The following RIMKLB variants were observed in gnomAD, a reference collection of about 807,000 sequenced individuals.
RIMKLB encodes ribosomal modification protein rimK like family member B, also known as beta-citrylglutamate synthase B.
RIMKLB carries 7 observed loss-of-function variants against 32.0 expected under a neutral mutation model. The ratio of observed to expected loss-of-function variants is 0.22; its 90% confidence interval spans 0.12 to 0.41. The LOEUF (loss-of-function observed/expected upper bound fraction) is 0.41. Among genes scored for constraint, RIMKLB ranks in the 10% least tolerant of loss-of-function variants. The probability of loss-of-function intolerance (pLI) is 1.00; values close to 1 mark genes in which losing one functional copy is unlikely to be tolerated. For synonymous variants in RIMKLB, 172 were observed against 185.1 expected, an observed-to-expected ratio of 0.93 and a Z score of 0.57; for missense variants, 289 against 498.7, an observed-to-expected ratio of 0.58 and a Z score of 4.00.
In RIMKLB at chr12:8,773,606, C is replaced by G. The variant is rs185884970; in HGVS notation, c.983C>G (p.Thr328Ser). 1 of 1,614,230 alleles carries G rather than the reference C, an allele frequency of 6.2e-7. No homozygotes were observed. Among genetic ancestry groups the G allele is most frequent in the Non-Finnish European group, 8.5e-7 (1 of 1,180,042 alleles). ...LLSVVSTASETSEPELGPPAS... is the reference protein window; with the variant it reads ...LLSVVSTASESSEPELGPPAS... Reference sequence around the variant, plus strand: ...TCCGTGGTGTCCACTGCCAGTGAGACTAGTGAGCCGGAGCTGGGTCCCCCA... The same window carrying G: ...TCCGTGGTGTCCACTGCCAGTGAGAGTAGTGAGCCGGAGCTGGGTCCCCCA... Residue 328 changes from threonine to serine, a missense_variant, in exon 6 of 6, where the codon ACT becomes AGT. This residue lies in a region of RIMKLB where 99 missense variants were observed against 133.9 expected (regional missense o/e 0.74). Transcript: ENST00000535829.
chr12:8,782,285 C>T (rs903393460), intron 7 of RIMKLB, among the ~76,000 whole-genome samples: 1 of 151,926 alleles, frequency 6.6e-6, no homozygotes, highest in Non-Finnish European at 1.5e-5. Context: ...GTATGTTCTA[C>T]AAGGAATTTT....
intron 2 of RIMKLB, among the ~76,000 whole-genome samples, chr12:8,747,806 A>ATT (rs2137665742): frequency 6.6e-6 from 1 of 151,150 alleles, no homozygotes; most frequent in South Asian, 2.1e-4. Flanking sequence ...TCCAGGCTGG[A>ATT]GTGCAGTGGC....
chr12:8,674,008 A>G, the RIMKLB span, among the ~76,000 whole-genome samples: 1 of 152,050 alleles, frequency 6.6e-6, no homozygotes, highest in African/African-American at 2.4e-5. Flanking sequence ...GGTTCAAATA[A>G]GCCACAGGGT....
intron 2 of RIMKLB, 125 bp from the exon 3 acceptor site, chr12:8,749,737 T>C: frequency 3.1e-6 from 2 of 655,242 alleles, no homozygotes. Flanking sequence ...AGTATCTCTA[T>C]CCCAATTTAA....
rs895056895 is a variant in RIMKLB at position 8,763,932 on chromosome 12, A to G, written c.698-9389A>G. On this transcript the variant is annotated intron_variant, in intron 5 of 5. Transcript: ENST00000535829. ...GACAGGATGTACAGGGATGCAGAAA[A>G]AGGCATCCTTAAGGTCCAGAACTGT... 2.6e-5 allele frequency among the ~76,000 whole-genome samples: 4 copies of G among 152,288 alleles called. No homozygotes were observed. The South Asian group carries it at 8.3e-4, about 32-fold the overall frequency.
At chr12:8,765,580 GC>G (rs1322335101) in intron 5 of RIMKLB, among the ~76,000 whole-genome samples, 1 of 152,124 alleles carries the variant, frequency 6.6e-6, no homozygotes, top group African/African-American at 2.4e-5. Context: ...CTGATAATTT[GC>G]CCCGGTCTAT....
intron 2 of RIMKLB, among the ~76,000 whole-genome samples, chr12:8,715,415 G>C (rs1403869104): frequency 1.3e-5 from 2 of 151,824 alleles, no homozygotes; most frequent in South Asian, 2.1e-4. Context: ...TAGTAGAGAC[G>C]GGTTTCACCA....
intron 2 of RIMKLB, chr12:8,742,843 A>G (rs1947690855): frequency 5.2e-6 from 1 of 190,718 alleles, no homozygotes; most frequent in Admixed American, 5.7e-5. Context: ...TCACAGAGAC[A>G]TCTTAGTTAA....
At chr12:8,740,032 A>G (rs1381278828) in intron 2 of RIMKLB, among the ~76,000 whole-genome samples, 1 of 152,068 alleles carries the variant, frequency 6.6e-6, no homozygotes, top group Non-Finnish European at 1.5e-5. Flanking sequence ...TAGCCTCCCC[A>G]GTAGCTGGGA....
At chr12:8,730,134 G>A (rs1199458846) in intron 2 of RIMKLB, among the ~76,000 whole-genome samples, 1 of 152,182 alleles carries the variant, frequency 6.6e-6, no homozygotes, top group Non-Finnish European at 1.5e-5. Context: ...CACCCAGGCT[G>A]GAGTACAATG....
intron 1 of RIMKLB, among the ~76,000 whole-genome samples, chr12:8,684,837 A>G (rs1022545041): frequency 9.2e-5 from 14 of 151,994 alleles, no homozygotes; most frequent in African/African-American, 3.1e-4. Flanking sequence ...TGTCTAGGCT[A>G]GTCTTGAACT....
chr12:8,763,076 G>A (rs750371097), intron 5 of RIMKLB, among the ~76,000 whole-genome samples: 1 of 152,298 alleles, frequency 6.6e-6, no homozygotes, highest in East Asian at 1.9e-4. Context: ...TGAGTATGCT[G>A]TTTACATTAT....
intron 2 of RIMKLB, among the ~76,000 whole-genome samples, chr12:8,731,496 G>A (rs1946544006): frequency 6.6e-6 from 1 of 151,852 alleles, no homozygotes; most frequent in African/African-American, 2.4e-5. Flanking sequence ...GATGATGAGG[G>A]CTTGGAATTT....
chr12:8,773,952 T>C lies in RIMKLB; in HGVS notation c.*168T>C, dbSNP rs751272727. ...ATAGATGAGACCTCTGCTAGTAAGA[T>C]GTTACTTTCATTTACAAATCCTACA... is the stretch of plus-strand genomic sequence containing the variant. On this transcript the variant is annotated 3_prime_UTR_variant, in exon 6 of 6. Transcript: ENST00000535829. 5 of 1,407,902 alleles carry C rather than the reference T, an allele frequency of 3.6e-6. No homozygotes were observed. The highest frequency in any genetic ancestry group is 1.4e-5 in the African/African-American group (1 of 69,422). 87.2% of individuals were successfully genotyped at this position (1,407,902 alleles called of 1,614,324 possible).
At chr12:8,734,988 A>G (rs749811215) in intron 2 of RIMKLB, among the ~76,000 whole-genome samples, 117 of 152,264 alleles carry the variant, frequency 7.7e-4, no homozygotes, top group African/African-American at 2.6e-3. Flanking sequence ...ATTTCACTTC[A>G]GGGGAAAATG....
chr12:8,669,500 T>A, the RIMKLB span, among the ~76,000 whole-genome samples: 1 of 152,174 alleles, frequency 6.6e-6, no homozygotes, highest in East Asian at 1.9e-4. Flanking sequence ...TTACCTCATA[T>A]ATTAAATATT....
chr12:8,759,078 G>T (rs1184145129), intron 5 of RIMKLB, among the ~76,000 whole-genome samples: 7 of 152,078 alleles, frequency 4.6e-5, no homozygotes, highest in Admixed American at 4.6e-4. Flanking sequence ...ATCAAGGTTG[G>T]AATTGATGGA....
chr12:8,698,430 C>T (rs749791827), intron 1 of RIMKLB, 133 bp downstream of exon 1: 3 of 157,056 alleles, frequency 1.9e-5, no homozygotes, highest in South Asian at 1.5e-4. Context: ...CCGGCCCGAG[C>T]GCGCCCGGGG....
chr12:8,700,814 C>T (rs1943324983), intron 1 of RIMKLB, among the ~76,000 whole-genome samples: 1 of 152,084 alleles, frequency 6.6e-6, no homozygotes, highest in Non-Finnish European at 1.5e-5. Context: ...ACCTGTAATC[C>T]CAGCACTTTG....
Sources: allele counts gnomAD v4.1 joint callset (sites outside exome capture counted in the v4.1 genomes callset), GRCh38; gene constraint gnomAD v4.1.1; regional missense constraint gnomAD v4.1.1; transcripts MANE v1.5; gene names NCBI Gene and HGNC (gene_info 2026-07-23, HGNC 2026-07-21).